Variants in SYN3 observed in about 807,000 individuals in gnomAD.
SYN3 encodes the protein synapsin III, also known as synapsin-3.
In SYN3, 35 loss-of-function variants were observed where a neutral mutation model predicts 65.8. That is an observed-to-expected ratio of 0.53 (90% CI 0.41 to 0.70). The LOEUF (loss-of-function observed/expected upper bound fraction) is 0.70. SYN3 is among the 30% of genes least tolerant of loss of function. The probability of loss-of-function intolerance (pLI) is 0.00; values close to 1 mark genes in which losing one functional copy is unlikely to be tolerated. For synonymous variants in SYN3, 270 were observed against 292.9 expected, an observed-to-expected ratio of 0.92 and a Z score of 0.80; for missense variants, 680 against 749.0, an observed-to-expected ratio of 0.91 and a Z score of 1.08.
chr22:32,724,589 C>G (rs954994489), intron 6 of SYN3, among the ~76,000 whole-genome samples: 3 of 152,202 alleles, frequency 2.0e-5, no homozygotes, highest in African/African-American at 7.2e-5. Flanking sequence ...TGAACCTCTT[C>G]GTATAGTGTC....
intron 6 of SYN3, among the ~76,000 whole-genome samples, chr22:32,664,554 C>T (rs1466268918): frequency 4.1e-5 from 6 of 144,700 alleles, no homozygotes; most frequent in Admixed American, 3.4e-4. Flanking sequence ...ACCTGTCACT[C>T]GAGCAGCATA....
chr22:33,020,506 A>G (rs982798153), intron 1 of SYN3, among the ~76,000 whole-genome samples: 2 of 152,180 alleles, frequency 1.3e-5, no homozygotes, highest in Admixed American at 6.5e-5. Context: ...TATTAAAATG[A>G]TTCTTCCAAT....
At chr22:33,030,828 G>A (rs1288083543) in intron 1 of SYN3, among the ~76,000 whole-genome samples, 3 of 151,948 alleles carry the variant, frequency 2.0e-5, no homozygotes, top group Non-Finnish European at 4.4e-5. Flanking sequence ...GATACAGAGA[G>A]ACAGAGAGAT....
chr22:32,653,999 G>A (rs1370285923), intron 6 of SYN3, among the ~76,000 whole-genome samples: 3 of 152,146 alleles, frequency 2.0e-5, no homozygotes, highest in African/African-American at 4.8e-5. Context: ...ACCCCAACAC[G>A]TTCTCTGCTT....
At chr22:32,682,228 CT>C (rs2060533767) in intron 6 of SYN3, among the ~76,000 whole-genome samples, 1 of 152,184 alleles carries the variant, frequency 6.6e-6, no homozygotes, top group African/African-American at 2.4e-5. Context: ...GTCAGGGATT[CT>C]GCAAAACATC....
At chr22:33,044,011 C>A (rs182499234) in intron 1 of SYN3, among the ~76,000 whole-genome samples, 10 of 151,948 alleles carry the variant, frequency 6.6e-5, no homozygotes, top group South Asian at 2.1e-4. Flanking sequence ...CGAGATTGTG[C>A]CACTGCACAC....
At chr22:32,633,460 T>C (rs1244891566) in intron 6 of SYN3, among the ~76,000 whole-genome samples, 1 of 151,676 alleles carries the variant, frequency 6.6e-6, no homozygotes, top group East Asian at 1.9e-4. Context: ...AATAATAAGG[T>C]AATATTGGAT....
intron 4 of SYN3, among the ~76,000 whole-genome samples, chr22:32,871,283 T>C (rs982511347): frequency 6.6e-6 from 1 of 152,138 alleles, no homozygotes; most frequent in African/African-American, 2.4e-5. Flanking sequence ...AAGAGGAGAA[T>C]CCCATGGCTT....
At position 32,783,949 on chromosome 22, in the gene SYN3, AG is replaced by A. The variant is rs1174420732; in HGVS notation, c.711+80965del. Among the ~76,000 whole-genome samples the A allele has an allele frequency of 6.6e-5, 10 of 152,340 alleles. No individual in the cohort carries two copies. The East Asian group carries it at 1.9e-3, about 29-fold the overall frequency. On this transcript the variant is annotated intron_variant, in intron 6 of 13. Transcript: ENST00000358763. ...TGCCTCAGTTTCCTTACCTGTAAAA[AG>A]GGGATGATAATGGTATTTACCTTAC...
Position 32,533,839 on chromosome 22 carries a change from G to A in SYN3, c.1049C>T (p.Ala350Val), listed in dbSNP as rs757849797. The change falls in exon 10 of 14, where the codon GCC becomes GTC. Residue 350 changes from alanine (A) to valine (V), a missense_variant. Coordinates refer to ENST00000358763, the MANE Select transcript of SYN3 (RefSeq NM_003490.4). ...SEMFGGLDIC[A>V]VKAVHSKDGR... ...ATCCTTGCTGTGGACAGCCTTGACG[G>A]CACAGATGTCCAGGCCGCCAAACAT... The A allele has an allele frequency of 6.2e-7, 1 of 1,613,880 alleles. No individual in the cohort carries two copies. Among genetic ancestry groups the A allele is most frequent in the Non-Finnish European group, 8.5e-7 (1 of 1,179,882 alleles).
Position 32,797,527 on chromosome 22 carries a change from G to A in SYN3, c.711+67388C>T, listed in dbSNP as rs1038724953. 2.6e-5 allele frequency among the ~76,000 whole-genome samples: 4 copies of A among 152,062 alleles called. No individual in the cohort carries two copies. In the East Asian group the frequency reaches 5.8e-4, roughly 22 times the overall value. On this transcript the variant is annotated intron_variant, in intron 6 of 13. Coordinates refer to ENST00000358763, the MANE Select transcript of SYN3 (RefSeq NM_003490.4). ...GTAACTCCTGAAGACCAAAAAAATG[G>A]TGATAAAAAAGACACCTTCCTAACT...
chr22:32,699,876 C>T (rs145529038), intron 6 of SYN3, among the ~76,000 whole-genome samples: 37 of 152,270 alleles, frequency 2.4e-4, no homozygotes, highest in African/African-American at 8.9e-4. Context: ...GTCTATGACT[C>T]ATACCGCCCA....
intron 2 of SYN3, among the ~76,000 whole-genome samples, chr22:32,982,104 T>G (rs2052390059): frequency 6.6e-6 from 1 of 152,222 alleles, no homozygotes; most frequent in Admixed American, 6.5e-5. Context: ...GCATTTTAAC[T>G]CTCAACAAAA....
At chr22:32,560,258 A>G (rs1166072262) in intron 7 of SYN3, among the ~76,000 whole-genome samples, 1 of 152,214 alleles carries the variant, frequency 6.6e-6, no homozygotes, top group East Asian at 1.9e-4. Context: ...GCTTTTAAAT[A>G]CAGTTTCACT....
intron 1 of SYN3, among the ~76,000 whole-genome samples, chr22:33,036,599 G>C (rs893985643): frequency 2.7e-5 from 4 of 150,630 alleles, no homozygotes; most frequent in African/African-American, 9.8e-5. Context: ...ACAATTTGCT[G>C]CCCTGGAAAT....
chr22:32,968,741 G>C (rs2051924008), intron 3 of SYN3, among the ~76,000 whole-genome samples: 1 of 152,162 alleles, frequency 6.6e-6, no homozygotes. Flanking sequence ...TTCTCTGTGA[G>C]GTCTTTCCTG....
At chr22:32,645,223 G>A (rs2059965713) in intron 6 of SYN3, among the ~76,000 whole-genome samples, 1 of 152,046 alleles carries the variant, frequency 6.6e-6, no homozygotes, top group Non-Finnish European at 1.5e-5. Flanking sequence ...GGGCCGAGGA[G>A]GGCAGATCAC....
At chr22:32,915,380 G>T (rs2050160329) in intron 4 of SYN3, among the ~76,000 whole-genome samples, 1 of 152,318 alleles carries the variant, frequency 6.6e-6, no homozygotes, top group South Asian at 2.1e-4. Context: ...CCCTCAAGGG[G>T]CTTATATTCT....
intron 6 of SYN3, among the ~76,000 whole-genome samples, chr22:32,626,835 T>G (rs1164715457): frequency 6.6e-6 from 1 of 152,134 alleles, no homozygotes; most frequent in Non-Finnish European, 1.5e-5. Flanking sequence ...GTCTATCATG[T>G]AGTAGGTATT....
Sources: allele counts gnomAD v4.1 joint callset (sites outside exome capture counted in the v4.1 genomes callset), GRCh38; gene constraint gnomAD v4.1.1; transcripts MANE v1.5; gene names NCBI Gene and HGNC (gene_info 2026-07-23, HGNC 2026-07-21).